The following TRPC4 variants were observed in gnomAD, a reference collection of about 807,000 sequenced individuals.
TRPC4 encodes the protein short transient receptor potential channel 4.
Under a neutral mutation model 99.4 loss-of-function variants are expected in TRPC4, and 49 were observed. That is an observed-to-expected ratio of 0.49 (90% CI 0.39 to 0.63). The LOEUF is 0.63. TRPC4 is among the 20% of genes least tolerant of loss of function. TRPC4 has a pLI of 0.00. For missense variants in TRPC4, 898 were observed against 1,152.9 expected (o/e 0.78, Z 3.20); for synonymous variants, 454 against 425.9 (o/e 1.07, Z -0.81).
At chr13:37,813,935 G>T (rs1446462772) in intron 1 of TRPC4, among the ~76,000 whole-genome samples, 1 of 151,454 alleles carries the variant, frequency 6.6e-6, no homozygotes, top group African/African-American at 2.4e-5. Context: ...AAAGTCCTAA[G>T]GATAATAAAA....
At chr13:37,669,770 G>A (rs1745560265) in intron 5 of TRPC4, among the ~76,000 whole-genome samples, 1 of 152,142 alleles carries the variant, frequency 6.6e-6, no homozygotes, top group Non-Finnish European at 1.5e-5. Context: ...CACATAGGTA[G>A]GAAGTGATAT....
At chr13:37,644,383 C>T (rs374172576) in intron 8 of TRPC4, among the ~76,000 whole-genome samples, 109 of 152,152 alleles carry the variant, frequency 7.2e-4, no homozygotes, top group Non-Finnish European at 1.4e-3. Context: ...AGCTTTAATA[C>T]CTAAGAAAAT....
At chr13:37,846,762 T>C (rs1386653224) in intron 1 of TRPC4, among the ~76,000 whole-genome samples, 24 of 151,994 alleles carry the variant, frequency 1.6e-4, no homozygotes, top group Non-Finnish European at 1.5e-5. Context: ...TAAAAAGACA[T>C]AGATTGGCTG....
chr13:37,684,292 A>G (rs1275749102), intron 4 of TRPC4, among the ~76,000 whole-genome samples: 2 of 152,180 alleles, frequency 1.3e-5, no homozygotes, highest in Non-Finnish European at 2.9e-5. Context: ...TTAAACCACT[A>G]TGGGTTTTGA....
At chr13:37,704,056 T>C (rs1954188730) in intron 3 of TRPC4, among the ~76,000 whole-genome samples, 2 of 152,132 alleles carry the variant, frequency 1.3e-5, no homozygotes, top group Non-Finnish European at 2.9e-5. Context: ...TGTATTGATA[T>C]ACACACATGG....
In TRPC4 at chr13:37,805,538, C is replaced by T. The variant is rs669862; in HGVS notation, c.-27-22178G>A. Among the ~76,000 whole-genome samples, 1,144 of 152,104 alleles carry T rather than the reference C, an allele frequency of 7.5e-3. 13 individuals carry two copies. The highest frequency in any genetic ancestry group is 0.026 in the African/African-American group (1,097 of 41,528). On this transcript the variant is annotated intron_variant, in intron 1 of 10. Coordinates refer to ENST00000379705, the MANE Select transcript of TRPC4 (RefSeq NM_016179.4). The stretch of plus-strand genomic sequence containing the variant: ...TAACACATAGAATGACTTCAGAAGG[C>T]CCAATGTCTTTGTGCCTGATTGGAC...
intron 2 of TRPC4, among the ~76,000 whole-genome samples, chr13:37,774,284 T>C (rs1462057837): frequency 6.6e-6 from 1 of 151,812 alleles, no homozygotes; most frequent in Non-Finnish European, 1.5e-5. Context: ...TTCAGAAAGC[T>C]GTATTCTGTA....
At chr13:37,651,626 G>A (rs568023799) in intron 7 of TRPC4, among the ~76,000 whole-genome samples, 167 bp from the exon 8 acceptor site, 1 of 152,186 alleles carries the variant, frequency 6.6e-6, no homozygotes, top group African/African-American at 2.4e-5. Context: ...CATTTCAGAG[G>A]GTGGCTTAAC....
intron 2 of TRPC4, among the ~76,000 whole-genome samples, chr13:37,756,419 TA>T (rs2077412684): frequency 6.6e-6 from 1 of 152,134 alleles, no homozygotes; most frequent in Admixed American, 6.6e-5. Flanking sequence ...AGTCTAAGCC[TA>T]GGGCTAATAA....
intron 5 of TRPC4, among the ~76,000 whole-genome samples, chr13:37,664,206 C>A (rs570603695): frequency 1.3e-5 from 2 of 152,092 alleles, no homozygotes; most frequent in Admixed American, 1.3e-4. Flanking sequence ...TTTGAATTAT[C>A]CTGCTATTAA....
At chr13:37,663,045 A>G (rs532512464) in intron 6 of TRPC4, among the ~76,000 whole-genome samples, 45 of 152,338 alleles carry the variant, frequency 3.0e-4, no homozygotes, top group Non-Finnish European at 4.6e-4. Context: ...ATTGAAATCT[A>G]CTTGAATTTT....
chr13:37,671,734 G>A (rs1051361115), intron 5 of TRPC4, among the ~76,000 whole-genome samples: 9 of 152,050 alleles, frequency 5.9e-5, no homozygotes, highest in Non-Finnish European at 1.2e-4. Context: ...ACAGGCTCAA[G>A]GTCACCCAAC....
At chr13:37,665,054 A>T (rs895754406) in intron 5 of TRPC4, among the ~76,000 whole-genome samples, 3 of 150,884 alleles carry the variant, frequency 2.0e-5, no homozygotes, top group Non-Finnish European at 4.4e-5. Flanking sequence ...TGAAGATATA[A>T]AAAAAAAAGT....
chr13:37,806,661 T>C (rs894191239), intron 1 of TRPC4, among the ~76,000 whole-genome samples: 1 of 152,024 alleles, frequency 6.6e-6, no homozygotes, highest in African/African-American at 2.4e-5. Context: ...AGACCTCAAG[T>C]TGGGGCATGA....
At chr13:37,857,406 A>G (rs1566229000) in intron 1 of TRPC4, among the ~76,000 whole-genome samples, 1 of 151,716 alleles carries the variant, frequency 6.6e-6, no homozygotes, top group Non-Finnish European at 1.5e-5. Flanking sequence ...CTTCACAGAA[A>G]CTGAAAAAAT....
At position 37,790,967 on chromosome 13, in the gene TRPC4, C is replaced by CAGA. The variant is rs149132226; in HGVS notation, c.-27-7610_-27-7608dup. Reference sequence around the variant, plus strand: ...TGCTTTAAAAATAGGGAAGAAAAAACAGAAGCTGTAATTTTATATCTTATT... The same window carrying CAGA: ...TGCTTTAAAAATAGGGAAGAAAAAACAGAAGAAGCTGTAATTTTATATCTTATT... On this transcript the variant is annotated intron_variant, in intron 1 of 10. Transcript: ENST00000379705. 8.7e-3 allele frequency among the ~76,000 whole-genome samples: 1,325 copies of CAGA among 152,100 alleles called. 27 individuals are homozygous for CAGA. The East Asian group carries it at 0.094, about 11-fold the overall frequency.
chr13:37,846,006 G>C (rs1213740973), intron 1 of TRPC4, among the ~76,000 whole-genome samples: 1 of 152,148 alleles, frequency 6.6e-6, no homozygotes, highest in East Asian at 1.9e-4. Context: ...GGCCAGAAGA[G>C]AGGCAAATTC....
In TRPC4 at chr13:37,634,451, T is replaced by C. The variant is rs1244911708; in HGVS notation, c.*2452A>G. 6.6e-6 allele frequency among the ~76,000 whole-genome samples: 1 copy of C among 152,036 alleles called. No individual in the cohort carries two copies. The highest frequency in any genetic ancestry group is 1.5e-5 in the Non-Finnish European group (1 of 67,970). ...CAACATCTGGGGGTTGTTAGAATCA[T>C]CCTTTCTAGGGCACTGAAAAGGAGG... On this transcript the variant is annotated 3_prime_UTR_variant, in exon 11 of 11. Coordinates refer to ENST00000379705, the MANE Select transcript of TRPC4 (RefSeq NM_016179.4).
At position 37,683,098 on chromosome 13, in the gene TRPC4, CAGA is replaced by C. The variant is rs1450352986; in HGVS notation, c.1235-8734_1235-8732del. 5.9e-5 allele frequency among the ~76,000 whole-genome samples: 9 copies of C among 151,906 alleles called. No individual in the cohort carries two copies. In the East Asian group the frequency reaches 1.6e-3, roughly 26 times the overall value. On this transcript the variant is annotated intron_variant, in intron 4 of 10. Transcript: ENST00000379705. ...CAGTTTTTGTGCTAAAAGGGAATAC[CAGA>C]AGGACAGGTAAGGGTGTTTCCTCAC... is the stretch of plus-strand genomic sequence containing the variant.
Sources: gnomAD v4.1 joint callset for allele counts (sites outside exome capture counted in the v4.1 genomes callset) on GRCh38, gnomAD v4.1.1 for gene constraint, MANE v1.5 for transcripts, NCBI Gene and HGNC (gene_info 2026-07-23, HGNC 2026-07-21) for gene names.